DRC4: variants seen among roughly 807,000 people sequenced by gnomAD.
DRC4 encodes dynein regulatory complex subunit 4.
the DRC4 span, among the ~76,000 whole-genome samples, chr16:90,031,778 TC>T: frequency 6.6e-6 from 1 of 152,162 alleles, no homozygotes; most frequent in African/African-American, 2.4e-5. Context: ...GCACCTCACC[TC>T]CCAGCCTTGG....
chr16:90,036,343 C>A, the DRC4 span: 1 of 1,551,532 alleles, frequency 6.4e-7, no homozygotes, highest in African/African-American at 1.4e-5. Context: ...GGCACCACGT[C>A]TTCCTCTGCT....
At chr16:90,035,022 GCC>G in the DRC4 span, among the ~76,000 whole-genome samples, 4 of 147,862 alleles carry the variant, frequency 2.7e-5, no homozygotes, top group African/African-American at 1.0e-4. Flanking sequence ...TCCTGCCTCA[GCC>G]TCTCGACTAG....
the DRC4 span, among the ~76,000 whole-genome samples, chr16:90,042,143 C>T: frequency 6.6e-6 from 1 of 152,114 alleles, no homozygotes; most frequent in Admixed American, 6.5e-5. Flanking sequence ...GCCACGTTGG[C>T]CAGGCTGGTC....
At chr16:90,024,766 A>C in the DRC4 span, among the ~76,000 whole-genome samples, 1 of 152,172 alleles carries the variant, frequency 6.6e-6, no homozygotes. Flanking sequence ...GGATTGCACC[A>C]CTGCACTCCA....
the DRC4 span, chr16:90,043,650 G>A: frequency 1.8e-6 from 1 of 567,556 alleles, no homozygotes; most frequent in East Asian, 4.3e-5. Context: ...GCACTCACCT[G>A]GGGGTTGGGG....
the DRC4 span, chr16:90,036,210 C>T: frequency 1.6e-6 from 1 of 630,188 alleles, no homozygotes; most frequent in South Asian, 2.1e-5. Context: ...GTGTGAGCAT[C>T]AGCAGAAAAA....
chr16:90,031,012 T>TTA, the DRC4 span, among the ~76,000 whole-genome samples: 1 of 152,356 alleles, frequency 6.6e-6, no homozygotes, highest in African/African-American at 2.4e-5. Flanking sequence ...CAAGATGCTC[T>TTA]TATATTTCTT....
At chr16:90,027,778 A>T in the DRC4 span, 1 of 1,502,192 alleles carries the variant, frequency 6.7e-7, no homozygotes, top group Non-Finnish European at 9.3e-7. Context: ...GGCACCACGC[A>T]GGGTGCCTAC....
the DRC4 span, chr16:90,042,614 C>T: frequency 7.3e-6 from 9 of 1,227,574 alleles, no homozygotes; most frequent in Non-Finnish European, 1.1e-5. Context: ...TCTCTGAGGA[C>T]CCCACCTGTG....
the DRC4 span, chr16:90,031,161 A>C: frequency 7.9e-6 from 12 of 1,515,044 alleles, no homozygotes; most frequent in Non-Finnish European, 9.7e-6. Context: ...TTATATTTTA[A>C]CTTTTTACAT....
the DRC4 span, chr16:90,044,895 T>C: frequency 4.5e-6 from 1 of 220,628 alleles, no homozygotes; most frequent in Non-Finnish European, 9.2e-6. Flanking sequence ...CTGGCATATA[T>C]TTTTCCAGAT....
chr16:90,028,616 C>T, the DRC4 span, among the ~76,000 whole-genome samples: 390 of 152,204 alleles, frequency 2.6e-3, 3 homozygotes, highest in East Asian at 0.011. Context: ...GTTTAAGTCT[C>T]TTCTTCATTT....
the DRC4 span, chr16:90,035,762 G>C: frequency 3.1e-6 from 5 of 1,613,478 alleles, no homozygotes; most frequent in Non-Finnish European, 4.2e-6. Flanking sequence ...TACCTCCAGA[G>C]CTTGTTAACT....
At chr16:90,032,596 A>G in the DRC4 span, 1 of 819,410 alleles carries the variant, frequency 1.2e-6, no homozygotes, top group Non-Finnish European at 2.0e-6. Flanking sequence ...CCAGGTGTGT[A>G]CAGGTATGGA....
chr16:90,027,012 A>G, the DRC4 span, among the ~76,000 whole-genome samples: 5 of 151,806 alleles, frequency 3.3e-5, no homozygotes, highest in Non-Finnish European at 7.4e-5. Context: ...TCCCGGGTTC[A>G]AGCGATTCTT....
the DRC4 span, chr16:90,028,073 T>C: frequency 2.0e-5 from 4 of 201,348 alleles, no homozygotes; most frequent in Non-Finnish European, 4.0e-5. Flanking sequence ...CATGTAGCAT[T>C]CTCCTTTATT....
chr16:90,040,544 G>A, the DRC4 span: 14 of 1,532,522 alleles, frequency 9.1e-6, no homozygotes, highest in African/African-American at 1.3e-4. Context: ...CCCAGTGGGC[G>A]GCCTCATCCC....
At chr16:90,029,519 A>G in the DRC4 span, 38 of 375,616 alleles carry the variant, frequency 1.0e-4, no homozygotes, top group Admixed American at 2.5e-4. Flanking sequence ...GGCTCTGCCC[A>G]GGAGCCTCTA....
At chr16:90,023,277 G>A in the DRC4 span, among the ~76,000 whole-genome samples, 1 of 152,204 alleles carries the variant, frequency 6.6e-6, no homozygotes, top group South Asian at 2.1e-4. Context: ...ACAACCTTGG[G>A]ATACAGGAAC....
Sources: gnomAD v4.1 joint callset for allele counts (sites outside exome capture counted in the v4.1 genomes callset) on GRCh38, gnomAD v4.1.1 for gene constraint, MANE v1.5 for transcripts, NCBI Gene and HGNC (gene_info 2026-07-23, HGNC 2026-07-21) for gene names.